Variants in OXNAD1 observed in about 807,000 individuals in gnomAD.
The protein encoded by OXNAD1 is oxidoreductase NAD binding domain containing 1, also known as oxidoreductase NAD-binding domain-containing protein 1.
In OXNAD1, 34 loss-of-function variants were observed where a neutral mutation model predicts 32.9. The observed-to-expected ratio is 1.03, with a 90% CI of 0.79 to 1.38. The LOEUF is 1.38. OXNAD1 is among the 40% of genes most tolerant of loss of function. The pLI is 0.00. For synonymous variants in OXNAD1, 134 were observed against 135.2 expected, an observed-to-expected ratio of 0.99 and a Z score of 0.06; for missense variants, 407 against 379.4, an observed-to-expected ratio of 1.07 and a Z score of -0.60.
rs2071560709 is a variant in OXNAD1 at position 16,345,234 on chromosome 3, C to A, written c.*31-3942C>A. ...GTTCAGCCCACCTGGATTTCTGGCC[C>A]ACAGAAACTGTAAGATAATAAGTAG... On this transcript the variant is annotated intron_variant, in intron 9 of 9. Transcript: ENST00000606098. The surrounding 1 kb of genome is among the most constrained non-coding windows in gnomAD (Gnocchi z 5.2). 6.7e-6 allele frequency: 1 copy of A among 148,352 alleles called. No homozygotes were observed. The highest frequency in any genetic ancestry group is 2.6e-5 in the African/African-American group (1 of 37,932). The allele number at this position is 148,352 out of a possible 1,614,324, so 9.2% of individuals were successfully genotyped here.
intron 6 of OXNAD1, among the ~76,000 whole-genome samples, chr3:16,295,420 G>A (rs955724712): frequency 2.0e-5 from 3 of 152,152 alleles, no homozygotes; most frequent in Non-Finnish European, 4.4e-5. Context: ...CCAGAGGTGA[G>A]CACAGCTAAA....
chr3:16,296,199 A>G (rs1024437526), intron 6 of OXNAD1, among the ~76,000 whole-genome samples: 2 of 152,140 alleles, frequency 1.3e-5, no homozygotes, highest in African/African-American at 4.8e-5. Flanking sequence ...AGCTGAAGAG[A>G]GCTTTTATGT....
At position 16,271,132 on chromosome 3, in the gene OXNAD1, A is replaced by G; in HGVS notation, c.119+61A>G. 4 of 1,582,446 alleles carry G rather than the reference A, an allele frequency of 2.5e-6. No homozygotes were observed. The highest frequency in any genetic ancestry group is 1.1e-5 in the South Asian group (1 of 88,284). The stretch of plus-strand genomic sequence containing the variant: ...ATTTTCAAAGAGACCCGACCTGCTG[A>G]TGGTTGTGGGAGGCATATCAAACTC... On this transcript the variant is annotated intron_variant, in intron 3 of 8. Coordinates refer to ENST00000285083, the MANE Select transcript of OXNAD1 (RefSeq NM_138381.5). The surrounding 1 kb of genome is among the most constrained non-coding windows in gnomAD (Gnocchi z 4.6).
chr3:16,300,894 T>C (rs2067133223), intron 6 of OXNAD1, among the ~76,000 whole-genome samples: 2 of 152,170 alleles, frequency 1.3e-5, no homozygotes. Flanking sequence ...AAAAATGTCA[T>C]CACAAGTTTC....
chr3:16,324,676 G>GTGTGTGTGTGTA (rs1244474998), intron 9 of OXNAD1, among the ~76,000 whole-genome samples: 7 of 123,282 alleles, frequency 5.7e-5, no homozygotes, highest in African/African-American at 2.1e-4. Flanking sequence ...GTGTGTGTGT[G>GTGTGTGTGTGTA]TGTGTGTGTA....
At chr3:16,281,871 AT>A (rs1476913335) in intron 4 of OXNAD1, among the ~76,000 whole-genome samples, 1 of 151,300 alleles carries the variant, frequency 6.6e-6, no homozygotes, top group African/African-American at 2.4e-5. Context: ...AAAGAAAAAA[AT>A]GAATGTTTAT....
At position 16,301,691 on chromosome 3, in the gene OXNAD1, G is replaced by A. The variant is rs757169511; in HGVS notation, c.498G>A (p.Ala166=). Residue 166 remains alanine (A), a synonymous_variant, in exon 7 of 9, where the codon GCG becomes GCA. Transcript: ENST00000285083. This position sits in a 1 kb window ranked among gnomAD's most constrained non-coding sequence, Gnocchi z 4.1. ...GGEFFFDPQP[A]DASRNLVLIA... is the part of the protein sequence containing the mutation. ...AGTTCTTCTTTGACCCTCAGCCTGCGGATGCCTCTAGAAACCTCGTGTTGA... is the reference window on the plus strand; with the variant it reads ...AGTTCTTCTTTGACCCTCAGCCTGCAGATGCCTCTAGAAACCTCGTGTTGA... 9.3e-6 allele frequency: 15 copies of A among 1,613,808 alleles called. No individual in the cohort carries two copies. In the South Asian group the frequency reaches 1.3e-4, roughly 14 times the overall value.
In OXNAD1 at chr3:16,289,834, G is replaced by A. The variant is rs910075463; in HGVS notation, c.290+3386G>A. Reference sequence around the variant, plus strand: ...TCCTTCCTCTGCCTTGCCTCGCTACGCTAAGCAGATTTTATCATTGCCCAT... The same window carrying A: ...TCCTTCCTCTGCCTTGCCTCGCTACACTAAGCAGATTTTATCATTGCCCAT... On this transcript the variant is annotated intron_variant, in intron 5 of 8. Transcript: ENST00000285083. This position sits in a 1 kb window ranked among gnomAD's most constrained non-coding sequence, Gnocchi z 4.9. Among the ~76,000 whole-genome samples, 3 of 152,156 alleles carry A rather than the reference G, an allele frequency of 2.0e-5. No homozygotes were observed. The highest frequency in any genetic ancestry group is 7.2e-5 in the African/African-American group (3 of 41,402).
downstream of OXNAD1, among the ~76,000 whole-genome samples, chr3:16,307,497 A>G (rs945388323): frequency 2.6e-5 from 4 of 152,166 alleles, no homozygotes; most frequent in African/African-American, 9.7e-5. Context: ...GTGATCATTG[A>G]GTGGCTATTG....
intron 4 of OXNAD1, chr3:16,276,533 T>A (rs568700606): frequency 2.8e-3 from 436 of 155,726 alleles, no homozygotes; most frequent in African/African-American, 0.011. Flanking sequence ...TTTTTTTTTT[T>A]ACCACTTTTC....
chr3:16,315,298 T>G (rs977355310), intron 9 of OXNAD1, among the ~76,000 whole-genome samples: 14 of 152,160 alleles, frequency 9.2e-5, no homozygotes, highest in African/African-American at 3.4e-4. Context: ...GTATTTTTAG[T>G]AGAGACGGGG....
downstream of OXNAD1, among the ~76,000 whole-genome samples, chr3:16,340,655 A>G (rs988360101): frequency 2.0e-5 from 3 of 152,360 alleles, no homozygotes; most frequent in Admixed American, 6.5e-5. Flanking sequence ...GCTTCTTTCA[A>G]AGTTACCTTG....
rs1415237093 is a variant in OXNAD1 at position 16,317,820 on chromosome 3, A to G, written c.*30+14228A>G. 7.2e-6 allele frequency among the ~76,000 whole-genome samples: 1 copy of G among 139,324 alleles called. No homozygotes were observed. The highest frequency in any genetic ancestry group is 1.5e-5 in the Non-Finnish European group (1 of 66,456). 91.4% of individuals were successfully genotyped at this position (139,324 alleles called of 152,430 possible). A position where few individuals can be genotyped will look rare whatever the true frequency, so the allele number is the denominator to read the frequency against. The stretch of plus-strand genomic sequence containing the variant: ...CCTCACAGAAGGGTCACACCAGGGC[A>G]ACCTACAACCAATGACTGCCCCAGG... On this transcript the variant is annotated intron_variant, in intron 9 of 9. Transcript: ENST00000435829. This position sits in a 1 kb window ranked among gnomAD's most constrained non-coding sequence, Gnocchi z 4.3.
chr3:16,274,064 A>G (rs946757284), intron 4 of OXNAD1, among the ~76,000 whole-genome samples: 10 of 151,946 alleles, frequency 6.6e-5, no homozygotes, highest in Non-Finnish European at 1.3e-4. Flanking sequence ...GGTTACACCT[A>G]TTAAGAAATA....
intron 2 of OXNAD1, among the ~76,000 whole-genome samples, chr3:16,270,240 T>C (rs1404840223): frequency 6.6e-6 from 1 of 152,230 alleles, no homozygotes; most frequent in Non-Finnish European, 1.5e-5. Flanking sequence ...ATTCATTTTC[T>C]CTGTTTTTAT....
downstream of OXNAD1, among the ~76,000 whole-genome samples, chr3:16,341,766 G>A (rs1342794281): frequency 1.3e-5 from 2 of 152,102 alleles, no homozygotes; most frequent in East Asian, 3.8e-4. This position sits in a 1 kb window ranked among gnomAD's most constrained non-coding sequence, Gnocchi z 4.7. Flanking sequence ...AGTACTCTAT[G>A]GCCATTACAA....
At chr3:16,275,762 T>C in intron 4 of OXNAD1, 1 of 167,858 alleles carries the variant, frequency 6.0e-6, no homozygotes, top group South Asian at 1.7e-4. Flanking sequence ...TTAATTGTGC[T>C]AAATAAGAAT....
intron 9 of OXNAD1, among the ~76,000 whole-genome samples, chr3:16,318,206 A>G (rs527323711): frequency 5.9e-5 from 9 of 151,582 alleles, no homozygotes; most frequent in Non-Finnish European, 1.2e-4. Flanking sequence ...AAGTTTCTCA[A>G]TCTGAATTTC....
At chr3:16,308,800 C>G (rs1344660637), downstream of OXNAD1, among the ~76,000 whole-genome samples, 2 of 152,182 alleles carry the variant, frequency 1.3e-5, no homozygotes, top group Non-Finnish European at 2.9e-5. The surrounding 1 kb of genome is among the most constrained non-coding windows in gnomAD (Gnocchi z 4.4). Flanking sequence ...CCTGCAGGAG[C>G]TCATCAGCCT....
Sources: allele counts gnomAD v4.1 joint callset (sites outside exome capture counted in the v4.1 genomes callset), GRCh38; gene constraint gnomAD v4.1.1; non-coding constraint Gnocchi (gnomAD v3.1); transcripts MANE v1.5; gene names NCBI Gene and HGNC (gene_info 2026-07-23, HGNC 2026-07-21).